Variants in FXR1 observed in about 807,000 individuals in gnomAD.
The protein encoded by FXR1 is FMR1 autosomal homolog 1, also known as RNA-binding protein FXR1.
Under a neutral mutation model 84.0 loss-of-function variants are expected in FXR1, and 15 were observed. That is an observed-to-expected ratio of 0.18 (90% CI 0.12 to 0.27). The LOEUF is 0.27. FXR1 is among the 10% of genes least tolerant of loss of function. The pLI is 1.00. For missense variants in FXR1, 480 were observed against 774.4 expected (o/e 0.62, Z 4.51); for synonymous variants, 245 against 250.7 (o/e 0.98, Z 0.21).
chr3:180,958,769 C>T (rs576922614), intron 10 of FXR1, among the ~76,000 whole-genome samples: 1 of 151,430 alleles, frequency 6.6e-6, no homozygotes, highest in African/African-American at 2.4e-5. Flanking sequence ...AATCCCCTTA[C>T]ACTTTTACAT....
chr3:180,945,569 T>C (rs1721611797), intron 3 of FXR1, among the ~76,000 whole-genome samples: 1 of 152,188 alleles, frequency 6.6e-6, no homozygotes, highest in South Asian at 2.1e-4. Context: ...GACACCTGGC[T>C]AATTTCTTTT....
At chr3:180,963,111 T>C in intron 13 of FXR1, 21 bp downstream of exon 13, 1 of 1,121,876 alleles carries the variant, frequency 8.9e-7, no homozygotes, top group Non-Finnish European at 1.3e-6. Flanking sequence ...ATTTTTTTTT[T>C]TTTTTTTTGG....
intron 3 of FXR1, among the ~76,000 whole-genome samples, chr3:180,944,540 T>A (rs1721490274): frequency 6.6e-6 from 1 of 152,026 alleles, no homozygotes; most frequent in Non-Finnish European, 1.5e-5. Flanking sequence ...TTGTCCAGGT[T>A]GGTCTCAAAC....
intron 1 of FXR1, among the ~76,000 whole-genome samples, chr3:180,928,032 G>T (rs1719434770): frequency 6.6e-6 from 1 of 151,424 alleles, no homozygotes; most frequent in South Asian, 2.1e-4. Context: ...GGTTAGAAAG[G>T]CCTTCCTTAC....
chr3:180,963,760 G>T (rs1471554222), intron 13 of FXR1, among the ~76,000 whole-genome samples: 1 of 152,194 alleles, frequency 6.6e-6, no homozygotes, highest in African/African-American at 2.4e-5. Context: ...AGTGGTGATA[G>T]TCAACAATTC....
intron 1 of FXR1, among the ~76,000 whole-genome samples, chr3:180,920,278 A>AT (rs1161792858): frequency 3.3e-5 from 5 of 152,020 alleles, no homozygotes; most frequent in Non-Finnish European, 5.9e-5. Context: ...AATTTTGTTG[A>AT]TATATGTACT....
chr3:180,966,483 C>G (rs1444383926), intron 13 of FXR1, among the ~76,000 whole-genome samples: 1 of 152,140 alleles, frequency 6.6e-6, no homozygotes, highest in Non-Finnish European at 1.5e-5. Context: ...CATTTTTCCT[C>G]AAATGATTGC....
chr3:180,922,224 TAATA>T (rs1182860909), intron 1 of FXR1, among the ~76,000 whole-genome samples: 1 of 152,190 alleles, frequency 6.6e-6, no homozygotes, highest in Non-Finnish European at 1.5e-5. Context: ...CAAAAAACTG[TAATA>T]AATGTTGAAA....
At chr3:180,951,183 A>G (rs1358916187) in intron 7 of FXR1, 115 bp from the exon 8 acceptor site, 5 of 638,524 alleles carry the variant, frequency 7.8e-6, no homozygotes, top group Non-Finnish European at 1.4e-5. Flanking sequence ...TGATCACGCC[A>G]CTGCACCCTA....
chr3:180,918,680 A>G (rs184242679), intron 1 of FXR1, among the ~76,000 whole-genome samples: 1 of 152,268 alleles, frequency 6.6e-6, no homozygotes, highest in East Asian at 1.9e-4. Flanking sequence ...TGGTTTTTTC[A>G]TATGCAGTAT....
At chr3:180,932,245 A>G (rs1002061648) in intron 1 of FXR1, among the ~76,000 whole-genome samples, 4 of 152,064 alleles carry the variant, frequency 2.6e-5, no homozygotes, top group Non-Finnish European at 4.4e-5. Context: ...ACCAGGTACT[A>G]TACATGTGTT....
At chr3:180,917,870 C>T (rs1056094180) in intron 1 of FXR1, among the ~76,000 whole-genome samples, 4 of 141,262 alleles carry the variant, frequency 2.8e-5, no homozygotes, top group South Asian at 2.3e-4. Flanking sequence ...TCGCTTGAAC[C>T]GGGGAGGCAG....
intron 8 of FXR1, among the ~76,000 whole-genome samples, chr3:180,952,894 G>A (rs990857196): frequency 6.7e-6 from 1 of 148,410 alleles, no homozygotes; most frequent in Non-Finnish European, 1.5e-5. Flanking sequence ...GTGCAGTGGC[G>A]TGATCATAGC....
At chr3:180,916,461 G>A (rs920947402) in intron 1 of FXR1, among the ~76,000 whole-genome samples, 4 of 152,166 alleles carry the variant, frequency 2.6e-5, no homozygotes, top group Non-Finnish European at 4.4e-5. Context: ...TGGTGGGAGC[G>A]CAGTGGTGCG....
chr3:180,959,350 G>GT (rs11336001), intron 10 of FXR1, among the ~76,000 whole-genome samples: 25,394 of 143,988 alleles, frequency 0.18, 2,398 homozygotes, highest in South Asian at 0.26. Context: ...AATGTTTAGT[G>GT]TTTTTTTTTT....
At chr3:180,934,374 A>G (rs762651705) in intron 2 of FXR1, among the ~76,000 whole-genome samples, 6 of 152,198 alleles carry the variant, frequency 3.9e-5, no homozygotes, top group African/African-American at 1.4e-4. Flanking sequence ...GTCATAGTAT[A>G]CTTCCCAGAC....
intron 15 of FXR1, chr3:180,971,795 G>C (rs1051418259): frequency 2.0e-5 from 3 of 152,522 alleles, no homozygotes; most frequent in African/African-American, 4.8e-5. Context: ...CTTGTTTGCT[G>C]TGTCTATTAT....
chr3:180,934,246 A>G (rs1005397012), intron 2 of FXR1, among the ~76,000 whole-genome samples: 11 of 152,210 alleles, frequency 7.2e-5, no homozygotes, highest in African/African-American at 9.6e-5. Context: ...GATGATTTCT[A>G]TCTTTGAGCA....
chr3:180,972,741 C>A (rs1054040403), intron 15 of FXR1, among the ~76,000 whole-genome samples: 15 of 152,140 alleles, frequency 9.9e-5, no homozygotes, highest in Non-Finnish European at 2.1e-4. Context: ...GATTTCTGTT[C>A]CATACTACAT....
Sources: allele counts gnomAD v4.1 joint callset (sites outside exome capture counted in the v4.1 genomes callset), GRCh38; gene constraint gnomAD v4.1.1; transcripts MANE v1.5; gene names NCBI Gene and HGNC (gene_info 2026-07-23, HGNC 2026-07-21).